The following KCNH8 variants were observed in gnomAD, a reference collection of about 807,000 sequenced individuals.
KCNH8 encodes voltage-gated delayed rectifier potassium channel KCNH8.
Under a neutral mutation model 103.6 loss-of-function variants are expected in KCNH8, and 70 were observed. The observed-to-expected ratio is 0.68, with a 90% CI of 0.56 to 0.82. KCNH8 has a LOEUF of 0.82. KCNH8 is among the 40% of genes least tolerant of loss of function. KCNH8 has a pLI of 0.00. For missense variants in KCNH8, 1,217 were observed against 1,329.9 expected (o/e 0.92, Z 1.32); for synonymous variants, 498 against 489.4 (o/e 1.02, Z -0.23).
At position 19,395,143 on chromosome 3, in the gene KCNH8, C is replaced by T. The variant is rs1395138374; in HGVS notation, c.1009C>T (p.Arg337Cys). ...TCTTCTAAAGACAGTGCGCCTCTTGCGTCTTTTGCGTCTGCTGCAGAAGTT... is the reference window on the plus strand; with the variant it reads ...TCTTCTAAAGACAGTGCGCCTCTTGTGTCTTTTGCGTCTGCTGCAGAAGTT... ...VHLLKTVRLL[R>C]LLRLLQKLDR... is the part of the protein sequence containing the mutation. Residue 337 changes from arginine (R) to cysteine (C), a missense_variant, in exon 7 of 16, where the codon CGT (arginine) becomes TGT (cysteine). Physicochemically the swap from Arg to Cys is radical, Grantham distance 180. Around this residue, in one of 3 missense-constraint regions of KCNH8, gnomAD observed 415 missense variants for 577.4 expected, o/e 0.72. Coordinates refer to ENST00000328405, the MANE Select transcript of KCNH8 (RefSeq NM_144633.3). 3 of 1,611,254 alleles carry T rather than the reference C, an allele frequency of 1.9e-6. No individual in the cohort carries two copies. The highest frequency in any genetic ancestry group is 1.7e-5 in the Admixed American group (1 of 59,728).
At chr3:19,165,400 A>C (rs1166506206) in intron 1 of KCNH8, among the ~76,000 whole-genome samples, 1 of 149,718 alleles carries the variant, frequency 6.7e-6, no homozygotes, top group African/African-American at 2.6e-5. Context: ...GAAACAAGTA[A>C]TGTTAACAAT....
intron 3 of KCNH8, among the ~76,000 whole-genome samples, chr3:19,330,552 T>C (rs1311418583): frequency 6.6e-6 from 1 of 152,204 alleles, no homozygotes; most frequent in Non-Finnish European, 1.5e-5. Flanking sequence ...TATTTTAATA[T>C]TGGGAGCATC....
In KCNH8 at chr3:19,400,441, G is replaced by A. The variant is rs531400019; in HGVS notation, c.1177+5130G>A. Among the ~76,000 whole-genome samples, 29 of 151,810 alleles carry A rather than the reference G, an allele frequency of 1.9e-4. No homozygotes were observed. In the South Asian group the frequency reaches 4.4e-3, roughly 23 times the overall value. On this transcript the variant is annotated intron_variant, in intron 7 of 15. Transcript: ENST00000328405. ...GTAGCTCCCATTTTATAGCTAAAAT[G>A]TTACCTTATGTTCTTTTTCAAAATT...
intron 2 of KCNH8, among the ~76,000 whole-genome samples, chr3:19,274,888 C>T (rs1309652504): frequency 3.6e-5 from 4 of 110,950 alleles, no homozygotes; most frequent in African/African-American, 1.1e-4. Flanking sequence ...CCCCTCCCCT[C>T]CCCTTCCCTT....
At chr3:19,175,543 G>T (rs1413351652) in intron 1 of KCNH8, among the ~76,000 whole-genome samples, 5 of 152,052 alleles carry the variant, frequency 3.3e-5, no homozygotes, top group Non-Finnish European at 7.4e-5. Context: ...ATGCTTTTTT[G>T]TACAATTTCT....
chr3:19,332,295 G>T (rs992245353), intron 3 of KCNH8, among the ~76,000 whole-genome samples: 2 of 152,116 alleles, frequency 1.3e-5, no homozygotes, highest in African/African-American at 4.8e-5. Context: ...CTGCTAGTCT[G>T]TTCTCCATCT....
At chr3:19,210,849 A>G (rs1425941951) in intron 1 of KCNH8, among the ~76,000 whole-genome samples, 1 of 152,178 alleles carries the variant, frequency 6.6e-6, no homozygotes, top group Non-Finnish European at 1.5e-5. Context: ...AGCCCTGTTA[A>G]TATTGGACCC....
intron 5 of KCNH8, among the ~76,000 whole-genome samples, chr3:19,364,887 A>G (rs533372560): frequency 4.1e-4 from 63 of 152,288 alleles, no homozygotes; most frequent in Non-Finnish European, 7.8e-4. Flanking sequence ...AAACGCTATC[A>G]TAAATTAACT....
chr3:19,408,511 A>G (rs1378733061), intron 7 of KCNH8, among the ~76,000 whole-genome samples: 1 of 152,150 alleles, frequency 6.6e-6, no homozygotes, highest in African/African-American at 2.4e-5. Context: ...AATGGTCACT[A>G]TCCAAAATAG....
At chr3:19,477,158 G>T (rs1156695102) in intron 11 of KCNH8, among the ~76,000 whole-genome samples, 1 of 152,034 alleles carries the variant, frequency 6.6e-6, no homozygotes, top group African/African-American at 2.4e-5. Flanking sequence ...TAAGTATATG[G>T]CCTATTTATT....
chr3:19,265,971 C>A (rs1360573415), intron 2 of KCNH8, among the ~76,000 whole-genome samples: 1 of 152,002 alleles, frequency 6.6e-6, no homozygotes, highest in Non-Finnish European at 1.5e-5. Flanking sequence ...TCCAGAGCTA[C>A]AATAACTCAT....
chr3:19,437,409 C>A (rs1488446285), intron 7 of KCNH8, among the ~76,000 whole-genome samples: 5 of 152,074 alleles, frequency 3.3e-5, no homozygotes, highest in Non-Finnish European at 5.9e-5. Flanking sequence ...TCTGACAGCA[C>A]AATTAATATA....
At chr3:19,169,669 T>C (rs544552202) in intron 1 of KCNH8, among the ~76,000 whole-genome samples, 1 of 152,208 alleles carries the variant, frequency 6.6e-6, no homozygotes, top group African/African-American at 2.4e-5. Context: ...CTTTGGACCC[T>C]GGAGGCATTA....
At chr3:19,524,921 G>C (rs1362802843) in intron 15 of KCNH8, among the ~76,000 whole-genome samples, 2 of 151,902 alleles carry the variant, frequency 1.3e-5, no homozygotes, top group African/African-American at 4.8e-5. Flanking sequence ...AGGTCAGAAG[G>C]GGCCAGAGTA....
chr3:19,511,795 G>C (rs541467355), intron 12 of KCNH8, among the ~76,000 whole-genome samples: 1 of 152,144 alleles, frequency 6.6e-6, no homozygotes, highest in East Asian at 1.9e-4. Context: ...TAAAGTACAA[G>C]AACTTCATAA....
intron 3 of KCNH8, among the ~76,000 whole-genome samples, chr3:19,325,737 G>C (rs2065414100): frequency 6.6e-6 from 1 of 152,158 alleles, no homozygotes; most frequent in African/African-American, 2.4e-5. Context: ...CTTTTGGTGG[G>C]AGTGTAAATC....
At chr3:19,432,040 G>A (rs1178905999) in intron 7 of KCNH8, among the ~76,000 whole-genome samples, 1 of 150,782 alleles carries the variant, frequency 6.6e-6, no homozygotes, top group Non-Finnish European at 1.5e-5. Flanking sequence ...GCTAGTTTTG[G>A]GATTTGTTTG....
intron 11 of KCNH8, among the ~76,000 whole-genome samples, chr3:19,500,411 G>A (rs1033678219): frequency 3.9e-5 from 6 of 152,206 alleles, no homozygotes; most frequent in African/African-American, 9.6e-5. Flanking sequence ...CCCAGGAATT[G>A]AACTCAGCTC....
At chr3:19,313,102 A>G (rs1483821404) in intron 3 of KCNH8, among the ~76,000 whole-genome samples, 5 of 151,910 alleles carry the variant, frequency 3.3e-5, no homozygotes, top group African/African-American at 1.2e-4. Flanking sequence ...TGAATGGGGA[A>G]CACAAAGGTA....
Sources: allele counts gnomAD v4.1 joint callset (sites outside exome capture counted in the v4.1 genomes callset), GRCh38; gene constraint gnomAD v4.1.1; regional missense constraint gnomAD v4.1.1; transcripts MANE v1.5; gene names NCBI Gene and HGNC (gene_info 2026-07-23, HGNC 2026-07-21).